Variants in RGS7BP observed in about 807,000 individuals in gnomAD.
The protein encoded by RGS7BP is regulator of G protein signaling 7-binding protein.
In RGS7BP, 9 loss-of-function variants were observed where a neutral mutation model predicts 31.3. That is an observed-to-expected ratio of 0.29 (90% CI 0.17 to 0.50). RGS7BP has a LOEUF of 0.50. RGS7BP is among the 20% of genes least tolerant of loss of function. The pLI, the probability that RGS7BP is intolerant of heterozygous loss-of-function variation, is 0.98. For synonymous variants in RGS7BP, 115 were observed against 120.1 expected, an observed-to-expected ratio of 0.96 and a Z score of 0.28; for missense variants, 274 against 322.0, an observed-to-expected ratio of 0.85 and a Z score of 1.14.
At chr5:64,569,126 A>G (rs2111883398) in intron 2 of RGS7BP, among the ~76,000 whole-genome samples, 1 of 152,348 alleles carries the variant, frequency 6.6e-6, no homozygotes, top group East Asian at 1.9e-4. Context: ...CTGAACCTGA[A>G]TAGCTCCAGG....
In RGS7BP at chr5:64,593,469, T is replaced by C. The variant is rs192018618; in HGVS notation, c.464-1241T>C. Among the ~76,000 whole-genome samples the C allele has an allele frequency of 3.9e-5, 6 of 152,312 alleles. No individual in the cohort carries two copies. In the East Asian group the frequency reaches 1.2e-3, roughly 29 times the overall value. On this transcript the variant is annotated intron_variant, in intron 3 of 5. Transcript: ENST00000334025. ...AACTGAGCTAAAAGGTTAGGTGATA[T>C]AGCCACTACCTCATGAATATTCAGT...
chr5:64,552,877 A>C (rs958540916), intron 2 of RGS7BP, among the ~76,000 whole-genome samples: 1 of 152,168 alleles, frequency 6.6e-6, no homozygotes, highest in African/African-American at 2.4e-5. Context: ...GGACAGTTGC[A>C]AAAGCCCAGA....
At chr5:64,594,028 T>C (rs1489232004) in intron 3 of RGS7BP, among the ~76,000 whole-genome samples, 2 of 152,164 alleles carry the variant, frequency 1.3e-5, no homozygotes, top group Non-Finnish European at 1.5e-5. Context: ...TCAGTTGAGA[T>C]CAATCATGGT....
chr5:64,507,669 A>T, intron 1 of RGS7BP, 42 bp from the exon 2 acceptor site: 1 of 1,532,186 alleles, frequency 6.5e-7, no homozygotes, highest in Non-Finnish European at 8.8e-7. Context: ...CTTTCTGATG[A>T]GAAATGTTTG....
intron 2 of RGS7BP, among the ~76,000 whole-genome samples, chr5:64,513,460 T>G (rs1353491863): frequency 6.6e-6 from 1 of 152,210 alleles, no homozygotes; most frequent in Non-Finnish European, 1.5e-5. Context: ...TCAGTCCCAC[T>G]TCTAGTTGAT....
At chr5:64,599,941 G>T (rs1354519262) in intron 5 of RGS7BP, among the ~76,000 whole-genome samples, 1 of 152,172 alleles carries the variant, frequency 6.6e-6, no homozygotes, top group African/African-American at 2.4e-5. Flanking sequence ...CAAACTTAGA[G>T]AGCAAACACT....
chr5:64,591,048 A>T (rs1317815515), intron 3 of RGS7BP, among the ~76,000 whole-genome samples: 13 of 152,148 alleles, frequency 8.5e-5, no homozygotes, highest in Non-Finnish European at 1.9e-4. Flanking sequence ...GACATAAAAG[A>T]TGAACAGCTT....
intron 3 of RGS7BP, among the ~76,000 whole-genome samples, chr5:64,592,182 T>C (rs1313233427): frequency 6.6e-6 from 1 of 152,172 alleles, no homozygotes; most frequent in Non-Finnish European, 1.5e-5. Flanking sequence ...CTTAAATTCA[T>C]ATTGATCTTT....
chr5:64,553,158 CCTTT>C (rs1261555917), intron 2 of RGS7BP, among the ~76,000 whole-genome samples: 17 of 146,408 alleles, frequency 1.2e-4, no homozygotes, highest in African/African-American at 2.5e-4. Flanking sequence ...GGACTTCCTT[CCTTT>C]CTTTCTTTCT....
chr5:64,537,132 A>G (rs577767523), intron 2 of RGS7BP, among the ~76,000 whole-genome samples: 1 of 152,232 alleles, frequency 6.6e-6, no homozygotes, highest in Admixed American at 6.5e-5. Context: ...GAAGAACTCC[A>G]ACCAGTGGAT....
Position 64,529,611 on chromosome 5 carries a change from G to A in RGS7BP, c.332+21734G>A, listed in dbSNP as rs1331765224. Among the ~76,000 whole-genome samples, 5 of 152,180 alleles carry A rather than the reference G, an allele frequency of 3.3e-5. No homozygotes were observed. In the East Asian group the frequency reaches 9.6e-4, roughly 29 times the overall value. On this transcript the variant is annotated intron_variant, in intron 2 of 5. Transcript: ENST00000334025. ...TACCCTCAGAGATTCTGATTTTCTTGGTCTGGGGCATGGCCTGGGTTCCAG... is the reference window on the plus strand; with the variant it reads ...TACCCTCAGAGATTCTGATTTTCTTAGTCTGGGGCATGGCCTGGGTTCCAG...
chr5:64,594,327 C>T (rs1743003140), intron 3 of RGS7BP, among the ~76,000 whole-genome samples: 1 of 152,128 alleles, frequency 6.6e-6, no homozygotes, highest in East Asian at 1.9e-4. Flanking sequence ...GCCCTTTTAC[C>T]TGCTCCTGCA....
At position 64,506,525 on chromosome 5, in the gene RGS7BP, C is replaced by T; in HGVS notation, c.-100C>T. The T allele has an allele frequency of 9.1e-7, 1 of 1,100,234 alleles. No individual in the cohort carries two copies. The highest frequency in any genetic ancestry group is 1.3e-6 in the Non-Finnish European group (1 of 772,592). The allele number at this position is 1,100,234 out of a possible 1,614,324, so 68.2% of individuals were successfully genotyped here. A position where few individuals can be genotyped will look rare whatever the true frequency, so the allele number is the denominator to read the frequency against. On this transcript the variant is annotated 5_prime_UTR_variant, in exon 1 of 6. Transcript: ENST00000334025. This position sits in a 1 kb window ranked among gnomAD's most constrained non-coding sequence, Gnocchi z 4.6. ...GCACTGTGAGCTGCGCGCCTCAGGTCCGGGCTCCGGCTGCTTGGCGGCGGC... is the reference window on the plus strand; with the variant it reads ...GCACTGTGAGCTGCGCGCCTCAGGTTCGGGCTCCGGCTGCTTGGCGGCGGC...
At chr5:64,534,886 T>A (rs921920260) in intron 2 of RGS7BP, among the ~76,000 whole-genome samples, 10 of 152,082 alleles carry the variant, frequency 6.6e-5, no homozygotes, top group Admixed American at 6.5e-5. Context: ...AAAGGAGAGC[T>A]AGGGGCTGGG....
Position 64,610,655 on chromosome 5 carries a change from A to AT in RGS7BP, c.*1408dup. Reference sequence around the variant, plus strand: ...CACAGGCATTTATATGTATACCAATATTTTTACCTAAAAACTAAATATATT... The same window carrying AT: ...CACAGGCATTTATATGTATACCAATATTTTTTACCTAAAAACTAAATATATT... On this transcript the variant is annotated 3_prime_UTR_variant, in exon 6 of 6. Coordinates refer to ENST00000334025, the MANE Select transcript of RGS7BP (RefSeq NM_001029875.3). 1 of 152,024 alleles carries AT rather than the reference A, an allele frequency of 6.6e-6. No individual in the cohort carries two copies. The highest frequency in any genetic ancestry group is 2.1e-4 in the South Asian group (1 of 4,822). The allele number at this position is 152,024 out of a possible 1,614,324, so 9.4% of individuals were successfully genotyped here.
chr5:64,519,767 A>G (rs1229523033), intron 2 of RGS7BP, among the ~76,000 whole-genome samples: 1 of 152,236 alleles, frequency 6.6e-6, no homozygotes, highest in Non-Finnish European at 1.5e-5. Flanking sequence ...CATCTGAAAT[A>G]ACGTTTACCT....
chr5:64,521,281 G>A (rs1749100786), intron 2 of RGS7BP, among the ~76,000 whole-genome samples: 1 of 152,042 alleles, frequency 6.6e-6, no homozygotes, highest in South Asian at 2.1e-4. Flanking sequence ...TTTTTGAGAT[G>A]GAGTCTTGCT....
At chr5:64,601,268 A>T (rs1743207868) in intron 5 of RGS7BP, 1 of 156,528 alleles carries the variant, frequency 6.4e-6, no homozygotes, top group Non-Finnish European at 1.4e-5. Flanking sequence ...TTCCTATCTC[A>T]ACTCCGACCA....
At chr5:64,548,275 A>C (rs1257785941) in intron 2 of RGS7BP, among the ~76,000 whole-genome samples, 1 of 152,188 alleles carries the variant, frequency 6.6e-6, no homozygotes, top group Admixed American at 6.5e-5. Context: ...TTACAGATTT[A>C]AGTATAAATT....
Sources: gnomAD v4.1 joint callset for allele counts (sites outside exome capture counted in the v4.1 genomes callset) on GRCh38, gnomAD v4.1.1 for gene constraint, Gnocchi (gnomAD v3.1) non-coding constraint, MANE v1.5 for transcripts, NCBI Gene and HGNC (gene_info 2026-07-23, HGNC 2026-07-21) for gene names.